Variants in NXPH2 observed in about 807,000 individuals in gnomAD.
NXPH2 encodes neurexophilin 2, also known as neurexophilin-2.
In NXPH2, 5 loss-of-function variants were observed where a neutral mutation model predicts 19.8. The ratio of observed to expected loss-of-function variants is 0.25; its 90% CI spans 0.13 to 0.53. The LOEUF (loss-of-function observed/expected upper bound fraction) is 0.53. Among genes scored for constraint, NXPH2 ranks in the 20% least tolerant of loss-of-function variants. The pLI is 0.96. For missense variants in NXPH2, 289 were observed against 322.8 expected (o/e 0.90, Z 0.80); for synonymous variants, 154 against 127.4 (o/e 1.21, Z -1.41).
chr2:138,730,960 T>G (rs1681439104), intron 1 of NXPH2, among the ~76,000 whole-genome samples: 1 of 152,270 alleles, frequency 6.6e-6, no homozygotes, highest in South Asian at 2.1e-4. Flanking sequence ...TCCCATGCCC[T>G]TTGTTGTCAT....
intron 1 of NXPH2, among the ~76,000 whole-genome samples, chr2:138,769,751 C>T (rs1468340951): frequency 6.6e-6 from 1 of 152,180 alleles, no homozygotes; most frequent in Non-Finnish European, 1.5e-5. Context: ...TTTGGATGCT[C>T]ACCCCTTACC....
intron 1 of NXPH2, among the ~76,000 whole-genome samples, chr2:138,692,988 A>G (rs1249295500): frequency 2.0e-5 from 3 of 152,192 alleles, no homozygotes. Flanking sequence ...CATTTCATGC[A>G]TATTTTTTAA....
intron 1 of NXPH2, among the ~76,000 whole-genome samples, chr2:138,705,737 T>G (rs988238311): frequency 1.3e-5 from 2 of 152,210 alleles, no homozygotes; most frequent in South Asian, 4.1e-4. Flanking sequence ...TGCCTAGAAC[T>G]TTATTCAGTG....
At chr2:138,757,727 C>A (rs949856332) in intron 1 of NXPH2, among the ~76,000 whole-genome samples, 9 of 152,070 alleles carry the variant, frequency 5.9e-5, no homozygotes, top group Admixed American at 1.3e-4. Flanking sequence ...TGTATGCACA[C>A]ACAGATAAAA....
chr2:138,710,973 T>C (rs1448323839), intron 1 of NXPH2, among the ~76,000 whole-genome samples: 2 of 152,138 alleles, frequency 1.3e-5, no homozygotes, highest in African/African-American at 4.8e-5. Flanking sequence ...ACAGTCATCT[T>C]GCTGCCATCT....
At chr2:138,695,399 C>T (rs187076563) in intron 1 of NXPH2, among the ~76,000 whole-genome samples, 17 of 152,082 alleles carry the variant, frequency 1.1e-4, no homozygotes, top group African/African-American at 3.6e-4. Flanking sequence ...AAAACTCTGC[C>T]GAGAGGAACA....
Position 138,780,229 on chromosome 2 carries a change from G to T in NXPH2, c.13C>A (p.Pro5Thr). The T allele has an allele frequency of 1.4e-6, 2 of 1,461,090 alleles. No individual in the cohort carries two copies. The highest frequency in any genetic ancestry group is 1.8e-6 in the Non-Finnish European group (2 of 1,116,058). The allele number at this position is 1,461,090 out of a possible 1,614,324, so 90.5% of individuals were successfully genotyped here. A position where few individuals can be genotyped will look rare whatever the true frequency, so the allele number is the denominator to read the frequency against. The change falls in exon 1 of 2, where the codon CCG becomes ACG. Residue 5 changes from proline (P) to threonine (T), a missense_variant. Physicochemically the swap from Pro to Thr is conservative, Grantham distance 38. Coordinates refer to ENST00000272641, the MANE Select transcript of NXPH2 (RefSeq NM_007226.3). ...CCAGGGACCACCACGAGGGGCAGCG[G>T]CCGCAGGCGCATGGTGCCGGCTGGC... The part of the protein sequence containing the change: MRLR[P>T]LPLVVVPGLL...
chr2:138,711,618 A>G (rs1165163587), intron 1 of NXPH2, among the ~76,000 whole-genome samples: 1 of 151,956 alleles, frequency 6.6e-6, no homozygotes, highest in East Asian at 1.9e-4. Flanking sequence ...AAACCTATCA[A>G]TTGTTCTTTA....
chr2:138,736,770 G>C (rs1681545623), intron 1 of NXPH2, among the ~76,000 whole-genome samples: 1 of 152,120 alleles, frequency 6.6e-6, no homozygotes, highest in African/African-American at 2.4e-5. Context: ...TTTTAAAACT[G>C]AATCCTTTAA....
At chr2:138,721,641 T>A (rs1558921952) in intron 1 of NXPH2, among the ~76,000 whole-genome samples, 1 of 152,042 alleles carries the variant, frequency 6.6e-6, no homozygotes, top group African/African-American at 2.4e-5. Flanking sequence ...ATGATGTATG[T>A]AGGGAAAAAA....
At chr2:138,766,144 A>G (rs939202039) in intron 1 of NXPH2, among the ~76,000 whole-genome samples, 5 of 152,250 alleles carry the variant, frequency 3.3e-5, no homozygotes, top group African/African-American at 1.2e-4. Context: ...CACTGGGCAC[A>G]GTGCCTGACA....
chr2:138,765,314 T>C (rs966085056), intron 1 of NXPH2, among the ~76,000 whole-genome samples: 6 of 152,254 alleles, frequency 3.9e-5, no homozygotes, highest in Non-Finnish European at 8.8e-5. Flanking sequence ...TGTTCCACTG[T>C]GGTTCTCAGA....
chr2:138,672,986 T>C (rs1347066089), intron 1 of NXPH2, among the ~76,000 whole-genome samples: 3 of 152,180 alleles, frequency 2.0e-5, no homozygotes, highest in Admixed American at 1.3e-4. Context: ...TCCACCTATG[T>C]CTAGTCCCCA....
At chr2:138,739,967 T>C (rs1350274020) in intron 1 of NXPH2, among the ~76,000 whole-genome samples, 3 of 152,150 alleles carry the variant, frequency 2.0e-5, no homozygotes, top group African/African-American at 4.8e-5. Flanking sequence ...CTTTGAATTG[T>C]TCCCATAATA....
chr2:138,684,365 A>G (rs1444724393), intron 1 of NXPH2, among the ~76,000 whole-genome samples: 2 of 152,208 alleles, frequency 1.3e-5, no homozygotes, highest in Non-Finnish European at 2.9e-5. Flanking sequence ...CTTATAAATA[A>G]AAAACAATTT....
chr2:138,672,531 T>A (rs1443466513), intron 1 of NXPH2, among the ~76,000 whole-genome samples: 1 of 152,196 alleles, frequency 6.6e-6, no homozygotes, highest in African/African-American at 2.4e-5. Flanking sequence ...ATAATTTAGT[T>A]AAGTAGATAT....
At chr2:138,738,980 A>C (rs1681602393) in intron 1 of NXPH2, among the ~76,000 whole-genome samples, 1 of 152,184 alleles carries the variant, frequency 6.6e-6, no homozygotes, top group Non-Finnish European at 1.5e-5. Flanking sequence ...TGGCTCCAAT[A>C]ATTAACGAAG....
intron 1 of NXPH2, among the ~76,000 whole-genome samples, chr2:138,765,282 G>T (rs967336429): frequency 2.2e-4 from 33 of 152,234 alleles, no homozygotes; most frequent in African/African-American, 7.5e-4. Flanking sequence ...ATATATAAAG[G>T]GATTGAGCAG....
intron 1 of NXPH2, among the ~76,000 whole-genome samples, chr2:138,717,259 C>A (rs1333075944): frequency 6.6e-6 from 1 of 152,056 alleles, no homozygotes; most frequent in African/African-American, 2.4e-5. Flanking sequence ...TAGCAACATT[C>A]CTATGGCTTT....
Sources: allele counts gnomAD v4.1 joint callset (sites outside exome capture counted in the v4.1 genomes callset), GRCh38; gene constraint gnomAD v4.1.1; transcripts MANE v1.5; gene names NCBI Gene and HGNC (gene_info 2026-07-23, HGNC 2026-07-21).